The following DCAKD variants were observed in gnomAD, a reference collection of about 807,000 sequenced individuals.
DCAKD encodes the protein dephospho-CoA kinase domain-containing protein.
A neutral mutation model predicts 18.7 loss-of-function variants in DCAKD; 15 were observed. The observed-to-expected ratio is 0.80, with a 90% CI of 0.54 to 1.24. The LOEUF (loss-of-function observed/expected upper bound fraction) is 1.24, where lower values mean the gene tolerates loss of function less well. DCAKD is among the 50% of genes most tolerant of loss of function. DCAKD has a pLI of 0.00. For synonymous variants in DCAKD, 130 were observed against 133.0 expected (o/e 0.98, Z 0.16); for missense variants, 301 against 322.0 (o/e 0.93, Z 0.50).
chr17:45,031,575 T>G (rs991967184), intron 3 of DCAKD: 19 of 985,184 alleles, frequency 1.9e-5, no homozygotes, highest in Admixed American at 6.2e-5. Flanking sequence ...AGGCCAACAG[T>G]GTGGTGCGCC....
chr17:45,058,759 C>G (rs918377993), intron 1 of DCAKD, among the ~76,000 whole-genome samples: 2 of 152,038 alleles, frequency 1.3e-5, no homozygotes, highest in Admixed American at 6.6e-5. Flanking sequence ...TGACCCCCCC[C>G]TTCCCTGCAG....
chr17:45,038,996 A>C (rs2053368807), intron 1 of DCAKD, among the ~76,000 whole-genome samples: 1 of 152,208 alleles, frequency 6.6e-6, no homozygotes, highest in Non-Finnish European at 1.5e-5. Context: ...GGAAAACTGG[A>C]GAGCTAGATA....
intron 4 of DCAKD, among the ~76,000 whole-genome samples, chr17:45,029,355 G>C (rs1021453581): frequency 6.6e-6 from 1 of 152,270 alleles, no homozygotes; most frequent in Non-Finnish European, 1.5e-5. Flanking sequence ...TTAGGCCCTT[G>C]AGGGCCAACC....
Position 45,034,175 on chromosome 17 carries a change from C to A in DCAKD, c.316+12G>T. 6.6e-7 allele frequency: 1 copy of A among 1,512,840 alleles called. No individual in the cohort carries two copies. Among genetic ancestry groups the A allele is most frequent in the South Asian group, 1.1e-5 (1 of 88,570 alleles). 93.7% of individuals were successfully genotyped at this position (1,512,840 alleles called of 1,614,324 possible). On this transcript the variant is annotated intron_variant, in intron 3 of 4. Coordinates refer to ENST00000651974, the MANE Select transcript of DCAKD (RefSeq NM_001288655.2). ...GGAGGCCCCGCCCCCCGCCCCAGGC[C>A]CTGGCACTTACCCCGGAGGAAGTAC...
chr17:45,054,258 T>A (rs184772447), upstream of DCAKD: 219 of 454,322 alleles, frequency 4.8e-4, 2 homozygotes, highest in East Asian at 9.0e-4. Flanking sequence ...TTATTTATTT[T>A]TTTTTTTGAG....
upstream of DCAKD, among the ~76,000 whole-genome samples, chr17:45,055,754 C>G (rs1037527933): frequency 1.3e-5 from 2 of 152,178 alleles, no homozygotes; most frequent in Non-Finnish European, 2.9e-5. Context: ...CTGTTCTACC[C>G]CTGACTCTCC....
intron 1 of DCAKD, among the ~76,000 whole-genome samples, chr17:45,057,659 T>A (rs2053797409): frequency 6.9e-6 from 1 of 143,898 alleles, no homozygotes; most frequent in African/African-American, 2.6e-5. Context: ...GCCGAGATAG[T>A]GCCACTGCAC....
intron 3 of DCAKD, chr17:45,032,155 T>C: frequency 1.0e-6 from 1 of 983,706 alleles, no homozygotes; most frequent in South Asian, 4.7e-5. Flanking sequence ...AGGGCAGGAA[T>C]GAAAGGCAGA....
rs761171545 is a variant in DCAKD, at chr17:45,024,489, CG to C, written c.639del (p.Ala214LeufsTer40). The C allele has an allele frequency of 2.5e-6, 4 of 1,613,338 alleles. No individual in the cohort carries two copies. Among genetic ancestry groups the C allele is most frequent in the Non-Finnish European group, 8.5e-7 (1 of 1,179,368 alleles). ...AGGTAGAGGAGGCTGGCAATGGCAGCGAGCCCTGTGAGGACCCCAAACCTCA... is the reference window on the plus strand; with the variant it reads ...AGGTAGAGGAGGCTGGCAATGGCAGCAGCCCTGTGAGGACCCCAAACCTCA... ...LPLRFGVLTG[L>X]AAIASLLYLL... On this transcript the variant is annotated frameshift_variant, in exon 5 of 5. Transcript: ENST00000651974. LOFTEE classifies it high-confidence loss of function.
At chr17:45,044,432 C>A in intron 1 of DCAKD, among the ~76,000 whole-genome samples, 1 of 152,220 alleles carries the variant, frequency 6.6e-6, no homozygotes, top group East Asian at 1.9e-4. Context: ...TGGCTGACGC[C>A]TGTAATCCCA....
rs148076586 is a variant in DCAKD, at chr17:45,030,451, T to C, written c.317-272A>G. On this transcript the variant is annotated intron_variant, in intron 3 of 4. Coordinates refer to ENST00000651974, the MANE Select transcript of DCAKD (RefSeq NM_001288655.2). Reference sequence around the variant, plus strand: ...GGGCAGGTCTTTTGATACTTGAAAATGAGAAGGTGAAGGTGAGGATTCCAC... The same window carrying C: ...GGGCAGGTCTTTTGATACTTGAAAACGAGAAGGTGAAGGTGAGGATTCCAC... 2.2e-4 allele frequency among the ~76,000 whole-genome samples: 34 copies of C among 151,970 alleles called. No individual in the cohort carries two copies. In the East Asian group the frequency reaches 6.0e-3, roughly 27 times the overall value.
Position 45,028,503 on chromosome 17 carries a change from G to C in DCAKD, c.404+1589C>G, listed in dbSNP as rs541358422. On this transcript the variant is annotated intron_variant, in intron 4 of 4. Coordinates refer to ENST00000651974, the MANE Select transcript of DCAKD (RefSeq NM_001288655.2). ...TGGCTCATTGCAACCTCTGCCTCCTGGGTTCAAGTGATTCTCCTGCCTCAG... is the reference window on the plus strand; with the variant it reads ...TGGCTCATTGCAACCTCTGCCTCCTCGGTTCAAGTGATTCTCCTGCCTCAG... Among the ~76,000 whole-genome samples the C allele has an allele frequency of 4.7e-5, 7 of 147,998 alleles. No homozygotes were observed. The South Asian group carries it at 6.4e-4, about 14-fold the overall frequency.
At chr17:45,051,303 C>T (rs1174420246) in intron 1 of DCAKD, 58 bp downstream of exon 1, 1 of 152,230 alleles carries the variant, frequency 6.6e-6, no homozygotes, top group African/African-American at 2.4e-5. Context: ...GAGGAAATAA[C>T]ACGTTGCTTG....
rs375462380 is a variant in DCAKD at position 45,024,656 on chromosome 17, C to T, written c.473G>A (p.Arg158His). 5.6e-6 allele frequency: 9 copies of T among 1,611,090 alleles called. No individual in the cohort carries two copies. The highest frequency in any genetic ancestry group is 5.5e-5 in the South Asian group (5 of 91,004). Reference protein sequence around the residue: ...NSLNRKDAEARINAQLPLTDK... With the variant: ...NSLNRKDAEAHINAQLPLTDK... The stretch of plus-strand genomic sequence containing the variant: ...TGTCAGGGGCAGCTGGGCATTGATG[C>T]GGGCCTCTGCGTCCTTGCGGTTCAG... The change falls in exon 5 of 5, where the codon CGC becomes CAC. Residue 158 changes from arginine to histidine, a missense_variant. Transcript: ENST00000651974.
rs545681429 is a variant in DCAKD, at chr17:45,028,409, C to CT, written c.404+1682dup. 5.1e-3 allele frequency among the ~76,000 whole-genome samples: 676 copies of CT among 132,768 alleles called. 5 individuals carry two copies. The highest frequency in any genetic ancestry group is 6.1e-3 in the Non-Finnish European group (376 of 61,378). 87.1% of individuals were successfully genotyped at this position (132,768 alleles called of 152,430 possible). ...ACAGGTATGAGCCACCACACCCGGC[C>CT]TTTTTTTTTTTTTTTTTGAGACGGA... On this transcript the variant is annotated intron_variant, in intron 4 of 4. Transcript: ENST00000651974.
At chr17:45,034,049 G>A (rs2053230656) in intron 3 of DCAKD, 138 bp downstream of exon 3, 1 of 1,597,906 alleles carries the variant, frequency 6.3e-7, no homozygotes, top group Admixed American at 1.7e-5. Flanking sequence ...GGCTCTGTGT[G>A]GAGGGGATGC....
intron 4 of DCAKD, among the ~76,000 whole-genome samples, chr17:45,025,245 C>A (rs1031859464): frequency 2.6e-5 from 4 of 152,028 alleles, no homozygotes; most frequent in African/African-American, 4.8e-5. Context: ...ACAGAGACCC[C>A]CTCTCCTTGC....
At position 45,024,504 on chromosome 17, in the gene DCAKD, C is replaced by T. The variant is rs1486942405; in HGVS notation, c.625G>A (p.Val209Ile). ...GCAATGGCAGCGAGCCCTGTGAGGA[C>T]CCCAAACCTCAGCGGCAGGTACTCC... ...SLEYLPLRFGVLTGLAAIASL... is the reference protein window; with the variant it reads ...SLEYLPLRFGILTGLAAIASL... The change falls in exon 5 of 5, where the codon GTC becomes ATC. Residue 209 changes from valine to isoleucine, a missense_variant. By Grantham distance (29) the Val-to-Ile change is conservative. Coordinates refer to ENST00000651974, the MANE Select transcript of DCAKD (RefSeq NM_001288655.2). 3 of 1,614,066 alleles carry T rather than the reference C, an allele frequency of 1.9e-6. No homozygotes were observed. Among genetic ancestry groups the T allele is most frequent in the South Asian group, 2.2e-5 (2 of 91,078 alleles).
intron 1 of DCAKD, among the ~76,000 whole-genome samples, chr17:45,060,184 T>C (rs139201799): frequency 6.6e-6 from 1 of 152,186 alleles, no homozygotes; most frequent in East Asian, 1.9e-4. Context: ...TTAAATGAGA[T>C]AATGTACGAA....
Sources: gnomAD v4.1 joint callset for allele counts (sites outside exome capture counted in the v4.1 genomes callset) on GRCh38, gnomAD v4.1.1 for gene constraint, MANE v1.5 for transcripts, NCBI Gene and HGNC (gene_info 2026-07-23, HGNC 2026-07-21) for gene names.